ZFHX3: variants seen among roughly 807,000 people sequenced by gnomAD.
ZFHX3 encodes the protein zinc finger homeobox 3.
Under a neutral mutation model 279.1 loss-of-function variants are expected in ZFHX3, and 42 were observed. The ratio of observed to expected loss-of-function variants is 0.15; its 90% CI spans 0.12 to 0.19. The LOEUF is 0.19. Among genes scored for constraint, ZFHX3 ranks in the 10% least tolerant of loss-of-function variants. The pLI, the probability that ZFHX3 is intolerant of heterozygous loss-of-function variation, is 1.00. For synonymous variants in ZFHX3, 2,293 were observed against 1,957.8 expected, an observed-to-expected ratio of 1.17 and a Z score of -4.52; for missense variants, 4,981 against 4,754.0, an observed-to-expected ratio of 1.05 and a Z score of -1.40.
intron 5 of ZFHX3, among the ~76,000 whole-genome samples, chr16:73,220,891 C>G (rs146295279): frequency 2.0e-5 from 3 of 151,996 alleles, no homozygotes; most frequent in Non-Finnish European, 2.9e-5. Flanking sequence ...TGGTGGAGCA[C>G]GGGCGATGGA....
intron 4 of ZFHX3, among the ~76,000 whole-genome samples, chr16:73,274,606 T>C (rs190268903): frequency 2.2e-4 from 33 of 152,382 alleles, no homozygotes; most frequent in Admixed American, 1.5e-3. Flanking sequence ...TATTCTTTCC[T>C]GACCTGATAC....
intron 3 of ZFHX3, among the ~76,000 whole-genome samples, chr16:72,943,210 T>C (rs1643998903): frequency 6.6e-6 from 1 of 152,158 alleles, no homozygotes; most frequent in African/African-American, 2.4e-5. Flanking sequence ...TGCATAGTCT[T>C]ACAACTATAC....
At chr16:72,897,097 C>T (rs897762220) in intron 3 of ZFHX3, among the ~76,000 whole-genome samples, 1 of 152,208 alleles carries the variant, frequency 6.6e-6, no homozygotes, top group Non-Finnish European at 1.5e-5. Flanking sequence ...CCAGAAAACC[C>T]CTGAGACACC....
intron 2 of ZFHX3, among the ~76,000 whole-genome samples, chr16:73,491,512 A>G (rs748984146): frequency 1.5e-4 from 23 of 152,348 alleles, no homozygotes; most frequent in South Asian, 1.2e-3. Flanking sequence ...GACTTGTGCT[A>G]AACCATTCAG....
Position 72,829,847 on chromosome 16 carries a change from T to C in ZFHX3, c.3461A>G (p.Glu1154Gly), listed in dbSNP as rs898949908. Residue 1154 changes from glutamate to glycine, a missense_variant, in exon 5 of 10, where the codon GAA (glutamate) becomes GGA (glycine). Around this residue, in one of 7 missense-constraint regions of ZFHX3, gnomAD observed 1,751 missense variants for 1,770.0 expected, o/e 0.99. Transcript: ENST00000268489. ...CPSTDPEEAI[E>G]DVEGPSETAA... ...TGTTTCACTGGGTCCTTCAACATCT[T>C]CAATGGCTTCTTCTGAAACAGAAGA... 4 of 1,614,084 alleles carry C rather than the reference T, an allele frequency of 2.5e-6. No homozygotes were observed. In the African/African-American group the frequency reaches 5.3e-5, roughly 22 times the overall value.
intron 2 of ZFHX3, among the ~76,000 whole-genome samples, chr16:73,607,116 T>C (rs1156839680): frequency 6.6e-6 from 1 of 152,190 alleles, no homozygotes; most frequent in Non-Finnish European, 1.5e-5. Context: ...GCAACCTCCA[T>C]CTCCTAGGTT....
chr16:73,498,489 C>T (rs2143659925), intron 2 of ZFHX3, among the ~76,000 whole-genome samples: 1 of 152,266 alleles, frequency 6.6e-6, no homozygotes, highest in South Asian at 2.1e-4. Flanking sequence ...AATCATTTTT[C>T]AAAAGACCTG....
chr16:73,891,243 C>G (rs1462720093), intron 1 of ZFHX3, among the ~76,000 whole-genome samples: 1 of 152,124 alleles, frequency 6.6e-6, no homozygotes, highest in Non-Finnish European at 1.5e-5. Context: ...CCTCTCCCCC[C>G]AGCTCTCTTT....
At chr16:73,038,111 C>T (rs1253330803) in intron 1 of ZFHX3, among the ~76,000 whole-genome samples, 1 of 152,220 alleles carries the variant, frequency 6.6e-6, no homozygotes. Flanking sequence ...TTTCCAGTCA[C>T]AGCTGTGGAC....
At chr16:73,785,054 A>G (rs1436160783) in intron 1 of ZFHX3, among the ~76,000 whole-genome samples, 1 of 152,116 alleles carries the variant, frequency 6.6e-6, no homozygotes, top group East Asian at 1.9e-4. Flanking sequence ...ATTTCAAACT[A>G]TGGAAAACGA....
chr16:73,549,867 ATT>A lies in ZFHX3; in HGVS notation c.-1546-93611_-1546-93610del, dbSNP rs112749828. Among the ~76,000 whole-genome samples the A allele has an allele frequency of 4.4e-3, 631 of 142,132 alleles. 7 individuals are homozygous for A. The highest frequency in any genetic ancestry group is 0.015 in the African/African-American group (597 of 38,920). 93.2% of individuals were successfully genotyped at this position (142,132 alleles called of 152,430 possible). A position where few individuals can be genotyped will look rare whatever the true frequency, so the allele number is the denominator to read the frequency against. On this transcript the variant is annotated intron_variant, in intron 2 of 17. Transcript: ENST00000641206. ...AGCGCTACATTTGATATAGAGACTG[ATT>A]TTTTTTTTTTCCCATCAAAATTACA... is the stretch of plus-strand genomic sequence containing the variant.
At position 73,188,006 on chromosome 16, in the gene ZFHX3, C is replaced by T. The variant is rs558254039; in HGVS notation, c.-1103-44175G>A. Among the ~76,000 whole-genome samples, 37 of 152,140 alleles carry T rather than the reference C, an allele frequency of 2.4e-4. No homozygotes were observed. In the Middle Eastern group the frequency reaches 0.01, roughly 42 times the overall value. Reference sequence around the variant, plus strand: ...CCCAAGTAGTAGCTGGGACTACAGGCGCCTGCCACCACGCCTGGCTAATTT... The same window carrying T: ...CCCAAGTAGTAGCTGGGACTACAGGTGCCTGCCACCACGCCTGGCTAATTT... On this transcript the variant is annotated intron_variant, in intron 5 of 17. Transcript: ENST00000641206.
At chr16:73,522,809 C>G (rs1024044788) in intron 2 of ZFHX3, among the ~76,000 whole-genome samples, 3 of 152,168 alleles carry the variant, frequency 2.0e-5, no homozygotes, top group Non-Finnish European at 2.9e-5. Flanking sequence ...TTCCACCTGG[C>G]TGGGGAGGCC....
At chr16:73,440,220 T>C (rs2018066343) in intron 3 of ZFHX3, among the ~76,000 whole-genome samples, 1 of 152,186 alleles carries the variant, frequency 6.6e-6, no homozygotes, top group Non-Finnish European at 1.5e-5. Context: ...GTTTCCAAAT[T>C]CTATCTCATT....
At chr16:73,087,822 TTC>T (rs1966026150) in intron 8 of ZFHX3, among the ~76,000 whole-genome samples, 2 of 151,918 alleles carry the variant, frequency 1.3e-5, no homozygotes, top group Admixed American at 1.3e-4. Flanking sequence ...AAACTTTCAT[TTC>T]TCTCTCTTTT....
rs2053196577 is a variant in ZFHX3, at chr16:73,696,241, G to A, written c.-1607-16001C>T. On this transcript the variant is annotated intron_variant, in intron 1 of 17. Coordinates refer to the ZFHX3 transcript ENST00000641206. ...GAAACAAACAAACAAAAACGAACAA[G>A]TCAGGCAGAGAGTTAGTAATGAGCA... 4.6e-5 allele frequency among the ~76,000 whole-genome samples: 7 copies of A among 152,326 alleles called. No individual in the cohort carries two copies. In the South Asian group the frequency reaches 1.2e-3, roughly 27 times the overall value.
intron 4 of ZFHX3, among the ~76,000 whole-genome samples, chr16:72,878,538 C>CGCTCTG (rs1272261488): frequency 1.3e-5 from 2 of 152,338 alleles, no homozygotes; most frequent in Non-Finnish European, 2.9e-5. Flanking sequence ...CAGAGCAACC[C>CGCTCTG]GAGGCACGCG....
intron 2 of ZFHX3, among the ~76,000 whole-genome samples, chr16:73,544,421 C>T (rs1053877471): frequency 2.0e-5 from 3 of 152,178 alleles, no homozygotes; most frequent in African/African-American, 7.2e-5. Flanking sequence ...GTCCGGAATT[C>T]AGGAGGTCAG....
intron 8 of ZFHX3, among the ~76,000 whole-genome samples, chr16:73,090,920 A>G (rs1173894271): frequency 1.3e-5 from 2 of 150,148 alleles, no homozygotes; most frequent in Non-Finnish European, 3.0e-5. Flanking sequence ...TGAAAAAAAA[A>G]AAAAAAAAAG....
Sources: gnomAD v4.1 joint callset for allele counts (sites outside exome capture counted in the v4.1 genomes callset) on GRCh38, gnomAD v4.1.1 for gene constraint, gnomAD v4.1.1 regional missense constraint, MANE v1.5 for transcripts, NCBI Gene and HGNC (gene_info 2026-07-23, HGNC 2026-07-21) for gene names.